Variants in TRAP1 observed in about 807,000 individuals in gnomAD.
TRAP1 encodes heat shock protein 75 kDa, mitochondrial.
Under a neutral mutation model 89.1 loss-of-function variants are expected in TRAP1, and 102 were observed. The ratio of observed to expected loss-of-function variants is 1.15; its 90% confidence interval spans 0.98 to 1.35. TRAP1 has a LOEUF of 1.35. Ranked by LOEUF, TRAP1 falls within the 40% of genes most tolerant of loss-of-function variation. TRAP1 has a pLI of 0.00. For synonymous variants in TRAP1, 508 were observed against 388.0 expected, an observed-to-expected ratio of 1.31 and a Z score of -3.64; for missense variants, 1,256 against 945.3, an observed-to-expected ratio of 1.33 and a Z score of -4.31.
Position 3,691,650 on chromosome 16 carries a change from C to A in TRAP1, c.89-665G>T, listed in dbSNP as rs184313429. On this transcript the variant is annotated intron_variant, in intron 1 of 17. Transcript: ENST00000246957. ...GCCCCCGATGGGCCACACTTCTTTGCTCTTGACAGTCAAGCAAAAAAAAAA... is the reference window on the plus strand; with the variant it reads ...GCCCCCGATGGGCCACACTTCTTTGATCTTGACAGTCAAGCAAAAAAAAAA... 9.5e-4 allele frequency among the ~76,000 whole-genome samples: 145 copies of A among 152,174 alleles called. 1 individual carries two copies. The highest frequency in any genetic ancestry group is 7.7e-3 in the South Asian group (37 of 4,826).
chr16:3,659,807 G>C (rs777206114), intron 16 of TRAP1: 1 of 151,896 alleles, frequency 6.6e-6, no homozygotes, highest in Admixed American at 6.6e-5. Context: ...CCAAGCTAGA[G>C]TGAAATGGCA....
intron 1 of TRAP1, among the ~76,000 whole-genome samples, chr16:3,711,068 G>A (rs888694651): frequency 6.6e-6 from 1 of 151,068 alleles, no homozygotes; most frequent in East Asian, 1.9e-4. Context: ...TAGAGATGGG[G>A]GTCTCTCTAG....
In TRAP1 at chr16:3,679,736, C is replaced by A. The variant is rs769401691; in HGVS notation, c.526G>T (p.Ala176Ser). 1.2e-6 allele frequency: 2 copies of A among 1,613,982 alleles called. No homozygotes were observed. The highest frequency in any genetic ancestry group is 1.7e-6 in the Non-Finnish European group (2 of 1,180,002). ...EELVSNLGTI[A>S]RSGSKAFLDA... ...ACGCTTACCTTTGACCCCGATCTGGCAATCGTCCCCAGGTTGGACACCAGC... is the reference window on the plus strand; with the variant it reads ...ACGCTTACCTTTGACCCCGATCTGGAAATCGTCCCCAGGTTGGACACCAGC... Residue 176 changes from alanine (A) to serine (S), a missense_variant, in exon 5 of 18, where the codon GCC becomes TCC. Coordinates refer to ENST00000246957, the MANE Select transcript of TRAP1 (RefSeq NM_016292.3).
Position 3,696,301 on chromosome 16 carries a change from T to C in TRAP1, c.89-5316A>G, listed in dbSNP as rs548872287. On this transcript the variant is annotated intron_variant, in intron 1 of 17. Transcript: ENST00000246957. The stretch of plus-strand genomic sequence containing the variant: ...TGCAGAAGGACGAGAAAGGACGGGG[T>C]GTGTCAGGAGAACACACAGCCCAGC... Among the ~76,000 whole-genome samples the C allele has an allele frequency of 9.9e-5, 15 of 152,060 alleles. 1 individual carries two copies. In the East Asian group the frequency reaches 2.7e-3, roughly 27 times the overall value.
intron 1 of TRAP1, among the ~76,000 whole-genome samples, chr16:3,713,756 G>A (rs987528928): frequency 1.3e-5 from 2 of 152,186 alleles, no homozygotes; most frequent in Non-Finnish European, 1.5e-5. Flanking sequence ...GATCTTTCCA[G>A]GTCTTCCCTC....
chr16:3,661,435 A>AC, intron 16 of TRAP1: 1 of 152,302 alleles, frequency 6.6e-6, no homozygotes, highest in Non-Finnish European at 1.5e-5. Context: ...CCACAGAGAA[A>AC]CCCACACAAG....
At chr16:3,703,081 G>T (rs2051391198) in intron 1 of TRAP1, among the ~76,000 whole-genome samples, 1 of 133,894 alleles carries the variant, frequency 7.5e-6, no homozygotes, top group Non-Finnish European at 1.6e-5. Context: ...TCAGTAAGAT[G>T]GTAGAATACA....
intron 11 of TRAP1, among the ~76,000 whole-genome samples, chr16:3,671,400 C>G (rs934203287): frequency 5.3e-5 from 8 of 152,246 alleles, no homozygotes; most frequent in Non-Finnish European, 1.2e-4. Context: ...ACACTGGAGT[C>G]CCCTCCACAC....
intron 1 of TRAP1, among the ~76,000 whole-genome samples, chr16:3,716,054 G>C (rs1307265944): frequency 5.9e-5 from 9 of 152,028 alleles, no homozygotes; most frequent in Non-Finnish European, 1.0e-4. Flanking sequence ...GTAGAGACAG[G>C]GTTTCACCAT....
chr16:3,663,017 G>A (rs368708297), intron 14 of TRAP1, 50 bp from the exon 15 acceptor site: 95 of 1,441,802 alleles, frequency 6.6e-5, no homozygotes, highest in East Asian at 9.8e-5. Flanking sequence ...CCAACTCCCC[G>A]GCTTCCATGG....
intron 11 of TRAP1, among the ~76,000 whole-genome samples, chr16:3,668,292 T>G (rs1279303566): frequency 1.3e-5 from 2 of 151,834 alleles, no homozygotes; most frequent in Admixed American, 6.6e-5. Context: ...ACTCCTGACC[T>G]CAGGTGATCT....
intron 7 of TRAP1, 54 bp from the exon 8 acceptor site, chr16:3,675,451 A>G: frequency 2.5e-6 from 4 of 1,573,320 alleles, no homozygotes; most frequent in Non-Finnish European, 3.5e-6. Flanking sequence ...GTGGAAACGC[A>G]AGCTTTGCAG....
chr16:3,675,136 G>C (rs973860762), intron 8 of TRAP1, among the ~76,000 whole-genome samples, 188 bp downstream of exon 8: 1 of 152,162 alleles, frequency 6.6e-6, no homozygotes, highest in Non-Finnish European at 1.5e-5. Context: ...CGGCTGCCCG[G>C]TGCACAGGGG....
At chr16:3,675,535 G>A in intron 7 of TRAP1, 138 bp from the exon 8 acceptor site, 1 of 746,372 alleles carries the variant, frequency 1.3e-6, no homozygotes, top group Non-Finnish European at 2.2e-6. Flanking sequence ...ACAGAAACAG[G>A]GCACAGTGGG....
At position 3,658,716 on chromosome 16, in the gene TRAP1, C is replaced by T. The variant is rs374867889; in HGVS notation, c.2013+77G>A. ...AAAAAGACAGGATTTTAGAGGAAAC[C>T]GCTGTTCCACCCTGAAGGCAGGCTG... On this transcript the variant is annotated intron_variant, in intron 17 of 17. Coordinates refer to ENST00000246957, the MANE Select transcript of TRAP1 (RefSeq NM_016292.3). 140 of 1,365,148 alleles carry T rather than the reference C, an allele frequency of 1.0e-4. 1 individual carries two copies. Among genetic ancestry groups the T allele is most frequent in the South Asian group, 9.2e-4 (75 of 81,160 alleles). The allele number at this position is 1,365,148 out of a possible 1,614,324, so 84.6% of individuals were successfully genotyped here.
At chr16:3,697,708 T>C (rs975505085) in intron 1 of TRAP1, among the ~76,000 whole-genome samples, 1 of 151,142 alleles carries the variant, frequency 6.6e-6, no homozygotes, top group Non-Finnish European at 1.5e-5. Context: ...TGTAAAAGCC[T>C]TCCTCACTCT....
At chr16:3,686,546 G>A (rs902534387) in intron 3 of TRAP1, among the ~76,000 whole-genome samples, 3 of 152,174 alleles carry the variant, frequency 2.0e-5, no homozygotes, top group Non-Finnish European at 2.9e-5. Flanking sequence ...TGATCTCCCA[G>A]GCTCAAGTGA....
chr16:3,664,433 G>C lies in TRAP1; in HGVS notation c.1410C>G (p.Tyr470Ter). The C allele has an allele frequency of 2.5e-6, 4 of 1,612,074 alleles. No individual in the cohort carries two copies. Among genetic ancestry groups the C allele is most frequent in the Non-Finnish European group, 8.5e-7 (1 of 1,179,330 alleles). The change falls in exon 13 of 18, where the codon TAC (tyrosine) becomes TAG (stop). Residue 470 changes from tyrosine (Y) to a stop codon, truncating the protein, a stop_gained. Coordinates refer to ENST00000246957, the MANE Select transcript of TRAP1 (RefSeq NM_016292.3). LOFTEE classifies it high-confidence loss of function. ...GCCCGGAGGGCAGCGCCGAGGACTC[G>C]TAGCGCAGCAGCTTTGCTATGTCCT... The part of the protein sequence containing the change: ...VKEDIAKLLR[Y>*]ESSALPSGQL...
chr16:3,672,585 C>T (rs949801653), intron 10 of TRAP1, 115 bp downstream of exon 10: 29 of 1,434,648 alleles, frequency 2.0e-5, no homozygotes, highest in South Asian at 5.8e-5. Context: ...CGCAGGCCGA[C>T]GGCGGTGCTC....
Sources: allele counts gnomAD v4.1 joint callset (sites outside exome capture counted in the v4.1 genomes callset), GRCh38; gene constraint gnomAD v4.1.1; transcripts MANE v1.5; gene names NCBI Gene and HGNC (gene_info 2026-07-23, HGNC 2026-07-21).